NXPH1: variants seen among roughly 807,000 people sequenced by gnomAD.
NXPH1 encodes the protein neurexophilin-1.
Under a neutral mutation model 23.7 loss-of-function variants are expected in NXPH1, and 5 were observed. The ratio of observed to expected loss-of-function variants is 0.21; its 90% confidence interval spans 0.11 to 0.44. NXPH1 has a LOEUF of 0.44. Among genes scored for constraint, NXPH1 ranks in the 20% least tolerant of loss-of-function variants. The pLI is 0.99. For missense variants in NXPH1, 324 were observed against 321.6 expected (o/e 1.01, Z -0.06); for synonymous variants, 144 against 122.2 (o/e 1.18, Z -1.18).
In NXPH1 at chr7:8,665,905, TTTTTTTCTTTTTC is replaced by T. The variant is rs1443757823; in HGVS notation, c.55-85096_55-85084del. Among the ~76,000 whole-genome samples, 60 of 84,578 alleles carry T rather than the reference TTTTTTTCTTTTTC, an allele frequency of 7.1e-4. 8 individuals carry two copies. The highest frequency in any genetic ancestry group is 1.1e-3 in the Non-Finnish European group (38 of 33,374). 55.5% of individuals were successfully genotyped at this position (84,578 alleles called of 152,430 possible). A position where few individuals can be genotyped will look rare whatever the true frequency, so the allele number is the denominator to read the frequency against. On this transcript the variant is annotated intron_variant, in intron 2 of 2. Coordinates refer to ENST00000405863, the MANE Select transcript of NXPH1 (RefSeq NM_152745.3). ...ATTGATTTATTAGTTCTAAGAGGTT[TTTTTTTCTTTTTC>T]TTTTTTTTTTTTTTTTGAAGGAGTC... is the stretch of plus-strand genomic sequence containing the variant.
At chr7:8,605,902 G>T (rs996762921) in intron 2 of NXPH1, among the ~76,000 whole-genome samples, 3 of 152,096 alleles carry the variant, frequency 2.0e-5, no homozygotes, top group African/African-American at 7.2e-5. Flanking sequence ...GTAGTTTGGA[G>T]TTGTTATACA....
chr7:8,447,188 G>A (rs775629732), intron 2 of NXPH1, among the ~76,000 whole-genome samples: 34 of 152,218 alleles, frequency 2.2e-4, no homozygotes, highest in Non-Finnish European at 3.8e-4. Flanking sequence ...CAGCTGTGGT[G>A]TTAGTAATAG....
intron 2 of NXPH1, among the ~76,000 whole-genome samples, chr7:8,552,114 CAAAAAAAAAAA>C (rs34390317): frequency 1.1e-3 from 69 of 61,752 alleles, no homozygotes; most frequent in African/African-American, 4.7e-3. Context: ...GAAAAAAAAC[CAAAAAAAAAAA>C]AAAAAAAAAA....
At chr7:8,520,698 T>C (rs2057751) in intron 2 of NXPH1, among the ~76,000 whole-genome samples, 115,229 of 152,116 alleles carry the variant, frequency 0.76, 44,572 homozygotes, top group African/African-American at 0.92. Flanking sequence ...GTGTCACTCT[T>C]CCCATCTGTT....
intron 2 of NXPH1, among the ~76,000 whole-genome samples, chr7:8,638,666 T>C (rs1447272001): frequency 1.3e-5 from 2 of 152,138 alleles, no homozygotes; most frequent in African/African-American, 4.8e-5. Flanking sequence ...ATTCAAAAAT[T>C]CTTTTCTTTG....
At chr7:8,546,211 A>G (rs1818195874) in intron 2 of NXPH1, among the ~76,000 whole-genome samples, 1 of 151,402 alleles carries the variant, frequency 6.6e-6, no homozygotes, top group Non-Finnish European at 1.5e-5. Flanking sequence ...TCATTCCTGG[A>G]GTTGGGTTTT....
intron 2 of NXPH1, among the ~76,000 whole-genome samples, chr7:8,608,569 G>A (rs112014684): frequency 0.016 from 2,499 of 152,086 alleles, 38 homozygotes; most frequent in Middle Eastern, 0.044. Flanking sequence ...AGAGAGACAA[G>A]TAAAATATAG....
chr7:8,654,221 T>C (rs1820536671), intron 2 of NXPH1, among the ~76,000 whole-genome samples: 1 of 152,138 alleles, frequency 6.6e-6, no homozygotes, highest in Non-Finnish European at 1.5e-5. Context: ...AATCAAACTC[T>C]GTTAGATCCT....
At chr7:8,702,547 G>T (rs997906592) in intron 2 of NXPH1, among the ~76,000 whole-genome samples, 7 of 152,048 alleles carry the variant, frequency 4.6e-5, no homozygotes, top group African/African-American at 1.7e-4. Context: ...CTGGTTGGAT[G>T]GGAAAGAATA....
intron 2 of NXPH1, among the ~76,000 whole-genome samples, chr7:8,460,812 C>G (rs1325541339): frequency 2.6e-5 from 4 of 152,140 alleles, no homozygotes; most frequent in African/African-American, 9.7e-5. Context: ...AAAAATTATT[C>G]AACAACAGTC....
At chr7:8,642,828 C>T (rs1257704073) in intron 2 of NXPH1, among the ~76,000 whole-genome samples, 2 of 151,886 alleles carry the variant, frequency 1.3e-5, no homozygotes, top group Non-Finnish European at 2.9e-5. Context: ...TAATGTTTTA[C>T]TATGGATGTC....
chr7:8,552,956 C>T (rs1395734035), intron 2 of NXPH1, among the ~76,000 whole-genome samples: 2 of 151,400 alleles, frequency 1.3e-5, no homozygotes, highest in African/African-American at 4.8e-5. Context: ...AAAGATCTAT[C>T]GTTTAGGAAG....
chr7:8,651,226 GT>G (rs137862985), intron 2 of NXPH1, among the ~76,000 whole-genome samples: 86,234 of 127,018 alleles, frequency 0.68, 30,192 homozygotes, highest in East Asian at 1. Flanking sequence ...GCGGTGTTTG[GT>G]TTTTTGTTCT....
chr7:8,606,372 G>C (rs148082294), intron 2 of NXPH1, among the ~76,000 whole-genome samples: 1 of 152,044 alleles, frequency 6.6e-6, no homozygotes, highest in Non-Finnish European at 1.5e-5. Context: ...AGAAACCTAC[G>C]TTACTTGTTT....
chr7:8,453,926 TG>T (rs1386888778), intron 2 of NXPH1, among the ~76,000 whole-genome samples: 1 of 152,174 alleles, frequency 6.6e-6, no homozygotes, highest in Non-Finnish European at 1.5e-5. Flanking sequence ...TATATTCTTT[TG>T]GGCCTGTATC....
intron 2 of NXPH1, among the ~76,000 whole-genome samples, chr7:8,492,128 A>G (rs541830635): frequency 4.6e-5 from 7 of 152,228 alleles, no homozygotes; most frequent in African/African-American, 1.2e-4. Context: ...AATTTGATTA[A>G]TAATGACCAA....
At chr7:8,646,853 G>C (rs975324753) in intron 2 of NXPH1, among the ~76,000 whole-genome samples, 1 of 108,096 alleles carries the variant, frequency 9.3e-6, no homozygotes, top group African/African-American at 3.0e-5. Flanking sequence ...GAAGGCATCA[G>C]GTTTCTGTCA....
At chr7:8,551,042 A>G (rs910969936) in intron 2 of NXPH1, among the ~76,000 whole-genome samples, 17 of 151,502 alleles carry the variant, frequency 1.1e-4, no homozygotes, top group Non-Finnish European at 1.0e-4. Context: ...TAAAACTTCT[A>G]ATATGTATTA....
intron 2 of NXPH1, among the ~76,000 whole-genome samples, chr7:8,665,425 G>C (rs1032271651): frequency 3.3e-5 from 5 of 151,932 alleles, no homozygotes; most frequent in African/African-American, 1.2e-4. Context: ...TAATTTTGTA[G>C]CATATTTTAA....
Sources: allele counts gnomAD v4.1 joint callset (sites outside exome capture counted in the v4.1 genomes callset), GRCh38; gene constraint gnomAD v4.1.1; transcripts MANE v1.5; gene names NCBI Gene and HGNC (gene_info 2026-07-23, HGNC 2026-07-21).